ABLIM3: variants seen among roughly 807,000 people sequenced by gnomAD.
ABLIM3 encodes actin binding LIM protein family member 3, also known as actin-binding LIM protein 3.
A neutral mutation model predicts 109.5 loss-of-function variants in ABLIM3; 61 were observed. That is an observed-to-expected ratio of 0.56 (90% confidence interval 0.45 to 0.69). The LOEUF is 0.69. Among genes scored for constraint, ABLIM3 ranks in the 30% least tolerant of loss-of-function variants. The pLI is 0.00. For synonymous variants in ABLIM3, 300 were observed against 324.8 expected, an observed-to-expected ratio of 0.92 and a Z score of 0.82; for missense variants, 796 against 889.5, an observed-to-expected ratio of 0.89 and a Z score of 1.34.
chr5:149,225,982 G>GTGTGTATA (rs1272837276), intron 8 of ABLIM3, among the ~76,000 whole-genome samples: 1 of 45,522 alleles, frequency 2.2e-5, no homozygotes, highest in African/African-American at 8.5e-5. Context: ...GTGTGTGTGT[G>GTGTGTATA]TATATATATA....
chr5:149,205,226 A>G (rs1050775871), intron 5 of ABLIM3, among the ~76,000 whole-genome samples: 1 of 152,176 alleles, frequency 6.6e-6, no homozygotes, highest in African/African-American at 2.4e-5. Flanking sequence ...CCATATAAAG[A>G]AGACAGTCAT....
chr5:149,213,286 G>A (rs1211688810), intron 7 of ABLIM3, among the ~76,000 whole-genome samples: 1 of 152,168 alleles, frequency 6.6e-6, no homozygotes, highest in Non-Finnish European at 1.5e-5. Flanking sequence ...ACCAACCTTG[G>A]CGAGCAGCTG....
intron 2 of ABLIM3, chr5:149,174,473 A>T (rs903512420): frequency 6.6e-6 from 1 of 152,200 alleles, no homozygotes; most frequent in African/African-American, 2.4e-5. Context: ...TGGCTCAAAG[A>T]CCAGGGGACT....
intron 3 of ABLIM3, among the ~76,000 whole-genome samples, chr5:149,186,525 AT>A (rs1756976592): frequency 6.6e-6 from 1 of 152,222 alleles, no homozygotes; most frequent in South Asian, 2.1e-4. Context: ...ATAAAAATTT[AT>A]AACAATATAT....
intron 18 of ABLIM3, among the ~76,000 whole-genome samples, chr5:149,249,069 T>G (rs1753689644): frequency 6.6e-6 from 1 of 152,204 alleles, no homozygotes; most frequent in Non-Finnish European, 1.5e-5. Flanking sequence ...AGAGGGATTA[T>G]TATCACCCAC....
chr5:149,179,604 G>A (rs961902622), intron 2 of ABLIM3, among the ~76,000 whole-genome samples: 2 of 151,250 alleles, frequency 1.3e-5, no homozygotes, highest in African/African-American at 4.9e-5. Flanking sequence ...AAATTAATTT[G>A]TACATTTTTT....
intron 3 of ABLIM3, among the ~76,000 whole-genome samples, chr5:149,186,250 C>A (rs1268145065): frequency 6.6e-6 from 1 of 151,964 alleles, no homozygotes; most frequent in East Asian, 1.9e-4. Context: ...CCCACCTCTA[C>A]TAAGAATACA....
intron 15 of ABLIM3, chr5:149,244,519 T>G: frequency 4.1e-6 from 1 of 242,462 alleles, no homozygotes; most frequent in Non-Finnish European, 8.3e-6. Context: ...ACCTGGGACC[T>G]GTCCAGTCTT....
chr5:149,233,684 T>A (rs1762088248), intron 10 of ABLIM3, among the ~76,000 whole-genome samples: 1 of 151,892 alleles, frequency 6.6e-6, no homozygotes, highest in African/African-American at 2.4e-5. Context: ...AGGTATTAGG[T>A]GGAATATTGA....
At chr5:149,141,801 C>G in intron 1 of ABLIM3, 147 bp downstream of exon 1, 1 of 486,492 alleles carries the variant, frequency 2.1e-6, no homozygotes, top group South Asian at 2.8e-5. Flanking sequence ...CGCTGCCAAC[C>G]CCACTTCTGC....
intron 10 of ABLIM3, among the ~76,000 whole-genome samples, chr5:149,235,139 C>T (rs1041726363): frequency 2.0e-5 from 3 of 152,174 alleles, no homozygotes; most frequent in African/African-American, 4.8e-5. Context: ...CTGCTCTCAC[C>T]GTTTATGGTG....
chr5:149,155,241 A>G (rs1304493900), intron 2 of ABLIM3, among the ~76,000 whole-genome samples: 1 of 152,136 alleles, frequency 6.6e-6, no homozygotes, highest in African/African-American at 2.4e-5. Flanking sequence ...CAGGGGAAAC[A>G]TGGATTGGGA....
intron 2 of ABLIM3, among the ~76,000 whole-genome samples, chr5:149,173,005 G>T (rs188075990): frequency 6.6e-6 from 1 of 152,334 alleles, no homozygotes; most frequent in East Asian, 1.9e-4. Context: ...ATGTTAGCAA[G>T]AATTGCAGTA....
chr5:149,174,021 CAAAAAAAAA>C (rs57000637), intron 2 of ABLIM3, among the ~76,000 whole-genome samples: 2 of 40,218 alleles, frequency 5.0e-5, no homozygotes, highest in Non-Finnish European at 1.0e-4. Context: ...GACTCCGTCT[CAAAAAAAAA>C]AAAAAAAAAA....
At chr5:149,141,792 G>C in intron 1 of ABLIM3, 138 bp downstream of exon 1, 1 of 454,968 alleles carries the variant, frequency 2.2e-6, no homozygotes, top group East Asian at 3.8e-5. Flanking sequence ...GCGAGCAGGC[G>C]CTGCCAACCC....
chr5:149,162,378 C>A (rs1754452138), intron 2 of ABLIM3, among the ~76,000 whole-genome samples: 1 of 152,122 alleles, frequency 6.6e-6, no homozygotes, highest in Admixed American at 6.5e-5. Context: ...GTCTTAATTT[C>A]AAAATATTTC....
At chr5:149,161,039 C>T (rs760162858) in intron 2 of ABLIM3, among the ~76,000 whole-genome samples, 2 of 152,192 alleles carry the variant, frequency 1.3e-5, no homozygotes, top group African/African-American at 2.4e-5. Flanking sequence ...AGACCACCTT[C>T]TTTCTTGGGT....
chr5:149,167,716 AT>A, intron 2 of ABLIM3, among the ~76,000 whole-genome samples: 1 of 152,222 alleles, frequency 6.6e-6, no homozygotes, highest in Non-Finnish European at 1.5e-5. Flanking sequence ...CCCTGCCCTC[AT>A]CAAGCTTAGA....
chr5:149,238,514 T>C (rs1394175616), intron 11 of ABLIM3, among the ~76,000 whole-genome samples: 1 of 152,154 alleles, frequency 6.6e-6, no homozygotes, highest in Non-Finnish European at 1.5e-5. Flanking sequence ...CGCTTGTCCT[T>C]CAGTTAGAGA....
Sources: gnomAD v4.1 joint callset for allele counts (sites outside exome capture counted in the v4.1 genomes callset) on GRCh38, gnomAD v4.1.1 for gene constraint, MANE v1.5 for transcripts, NCBI Gene and HGNC (gene_info 2026-07-23, HGNC 2026-07-21) for gene names.